NUP58: variants seen among roughly 807,000 people sequenced by gnomAD.
NUP58 encodes nucleoporin 58, also known as nucleoporin p58/p45.
Under a neutral mutation model 70.1 loss-of-function variants are expected in NUP58, and 17 were observed. The ratio of observed to expected loss-of-function variants is 0.24; its 90% confidence interval spans 0.17 to 0.36. The LOEUF (loss-of-function observed/expected upper bound fraction) is 0.36. Among genes scored for constraint, NUP58 ranks in the 10% least tolerant of loss-of-function variants. NUP58 has a pLI of 1.00. For synonymous variants in NUP58, 275 were observed against 257.6 expected, an observed-to-expected ratio of 1.07 and a Z score of -0.65; for missense variants, 644 against 701.5, an observed-to-expected ratio of 0.92 and a Z score of 0.93.
intron 1 of NUP58, among the ~76,000 whole-genome samples, chr13:25,306,623 TAATAAA>T (rs1021414461): frequency 5.3e-5 from 8 of 152,092 alleles, no homozygotes; most frequent in Non-Finnish European, 1.2e-4. Flanking sequence ...GCAAAGGAAA[TAATAAA>T]GATAAATATG....
intron 6 of NUP58, chr13:25,317,707 A>G (rs972307702): frequency 5.3e-5 from 8 of 152,242 alleles, no homozygotes; most frequent in Non-Finnish European, 2.9e-5. Flanking sequence ...TATAGAAGAT[A>G]GGTGGCAATT....
chr13:25,312,913 C>T lies in NUP58; in HGVS notation c.317C>T (p.Thr106Ile), dbSNP rs1399782494. Residue 106 changes from threonine (T) to isoleucine (I), a missense_variant, in exon 4 of 16, where the codon ACA (threonine) becomes ATA (isoleucine). This residue lies in a region of NUP58 where 430 missense variants were observed against 409.2 expected (regional missense o/e 1.05). Coordinates refer to ENST00000381736, the MANE Select transcript of NUP58 (RefSeq NM_014089.4). ...GTPATTSAATTGFSLGFNKPA... is the reference protein window; with the variant it reads ...GTPATTSAATIGFSLGFNKPA... Reference sequence around the variant, plus strand: ...CCAGCCACTACATCTGCAGCTACAACAGGCTTCAGTTTAGGATTCAATAAA... The same window carrying T: ...CCAGCCACTACATCTGCAGCTACAATAGGCTTCAGTTTAGGATTCAATAAA... 1 of 1,613,488 alleles carries T rather than the reference C, an allele frequency of 6.2e-7. No individual in the cohort carries two copies. Among genetic ancestry groups the T allele is most frequent in the South Asian group, 1.1e-5 (1 of 90,970 alleles).
In NUP58 at chr13:25,324,976, T is replaced by C; in HGVS notation, c.952-13T>C. 1.4e-6 allele frequency: 2 copies of C among 1,440,212 alleles called. No homozygotes were observed. Among genetic ancestry groups the C allele is most frequent in the Non-Finnish European group, 9.5e-7 (1 of 1,050,092 alleles). The allele number at this position is 1,440,212 out of a possible 1,614,324, so 89.2% of individuals were successfully genotyped here. A position where few individuals can be genotyped will look rare whatever the true frequency, so the allele number is the denominator to read the frequency against. On this transcript the variant is annotated splice_polypyrimidine_tract_variant and intron_variant, in intron 9 of 15. Coordinates refer to ENST00000381736, the MANE Select transcript of NUP58 (RefSeq NM_014089.4). ...GGCTTTTTTTTTTTTTTTTAAATCC[T>C]CTGGTATATTAGGAGTTGAAGAATG...
intron 1 of NUP58, among the ~76,000 whole-genome samples, chr13:25,304,677 G>C (rs2030227896): frequency 6.6e-6 from 1 of 150,850 alleles, no homozygotes; most frequent in Non-Finnish European, 1.5e-5. Flanking sequence ...ACCACACCCG[G>C]CTAAATTTTT....
At chr13:25,343,236 A>G (rs1238441281), downstream of NUP58, among the ~76,000 whole-genome samples, 2 of 151,650 alleles carry the variant, frequency 1.3e-5, no homozygotes, top group Non-Finnish European at 2.9e-5. Flanking sequence ...TTGTATCCTC[A>G]TAGCTTAGCT....
At chr13:25,323,077 G>C (rs2031252382) in intron 9 of NUP58, among the ~76,000 whole-genome samples, 1 of 152,054 alleles carries the variant, frequency 6.6e-6, no homozygotes, top group South Asian at 2.1e-4. Context: ...TCATATAATG[G>C]GCACATTAAT....
At chr13:25,307,048 A>G (rs950175990) in intron 1 of NUP58, among the ~76,000 whole-genome samples, 22 of 152,112 alleles carry the variant, frequency 1.4e-4, no homozygotes, top group Admixed American at 6.6e-4. Flanking sequence ...TAGCAATGGA[A>G]AGCTAGTGAA....
intron 13 of NUP58, chr13:25,335,441 A>G (rs942527246): frequency 3.0e-6 from 3 of 985,132 alleles, no homozygotes; most frequent in Non-Finnish European, 3.6e-6. Context: ...AGAACTGGAC[A>G]TGTGTTTTTT....
intron 9 of NUP58, among the ~76,000 whole-genome samples, chr13:25,323,298 T>G (rs573240002): frequency 1.3e-5 from 2 of 152,024 alleles, no homozygotes; most frequent in East Asian, 3.9e-4. Flanking sequence ...AGTTGATAGG[T>G]GCAGCAGACC....
intron 1 of NUP58, among the ~76,000 whole-genome samples, chr13:25,303,657 C>A (rs1338772387): frequency 6.6e-6 from 1 of 152,090 alleles, no homozygotes; most frequent in East Asian, 1.9e-4. Context: ...TCCTAGTACT[C>A]TTAGAGTGCT....
At chr13:25,315,865 T>C (rs2030907532) in intron 6 of NUP58, among the ~76,000 whole-genome samples, 1 of 152,128 alleles carries the variant, frequency 6.6e-6, no homozygotes, top group Non-Finnish European at 1.5e-5. Context: ...GAGTGTCTGC[T>C]CTGGAGTGGA....
chr13:25,304,032 G>A (rs528610299), intron 1 of NUP58, among the ~76,000 whole-genome samples: 1 of 152,322 alleles, frequency 6.6e-6, no homozygotes, highest in Admixed American at 6.5e-5. Flanking sequence ...ATGTCTTGAG[G>A]TTGGTCATTT....
chr13:25,331,316 T>C, intron 12 of NUP58, 41 bp from the exon 13 acceptor site: 1 of 1,567,668 alleles, frequency 6.4e-7, no homozygotes, highest in Non-Finnish European at 8.8e-7. Context: ...CCATAGTCAA[T>C]GTGAAACTTC....
chr13:25,343,228 G>A (rs937117690), downstream of NUP58, among the ~76,000 whole-genome samples: 9 of 151,428 alleles, frequency 5.9e-5, 1 homozygote, highest in East Asian at 1.7e-3. Context: ...TAATGCCTTT[G>A]TATCCTCATA....
Position 25,327,001 on chromosome 13 carries a change from A to G in NUP58, c.1117A>G (p.Thr373Ala). Reference sequence around the variant, plus strand: ...TGAAGAACTAGAAAACCATCTTGCCACTCAAGCAAATAATTCACATATAAC... The same window carrying G: ...TGAAGAACTAGAAAACCATCTTGCCGCTCAAGCAAATAATTCACATATAAC... ...QIEELENHLA[T>A]QANNSHITPQ... The change falls in exon 11 of 16, where the codon ACT (threonine) becomes GCT (alanine). Residue 373 changes from threonine (T) to alanine (A), a missense_variant. Transcript: ENST00000381736. The G allele has an allele frequency of 6.2e-7, 1 of 1,603,822 alleles. No individual in the cohort carries two copies. The highest frequency in any genetic ancestry group is 8.5e-7 in the Non-Finnish European group (1 of 1,174,022).
intron 3 of NUP58, chr13:25,309,962 A>G (rs1449996188): frequency 8.2e-6 from 3 of 367,520 alleles, no homozygotes; most frequent in Non-Finnish European, 1.7e-5. Flanking sequence ...ATTAACAGAA[A>G]ACAACACATC....
intron 1 of NUP58, among the ~76,000 whole-genome samples, chr13:25,304,824 C>G (rs1259812941): frequency 6.6e-6 from 1 of 151,936 alleles, no homozygotes; most frequent in Admixed American, 6.6e-5. Flanking sequence ...GCCACCACAC[C>G]CAGCCGGCAG....
chr13:25,327,865 G>A (rs1383202569), intron 12 of NUP58, among the ~76,000 whole-genome samples: 1 of 151,982 alleles, frequency 6.6e-6, no homozygotes, highest in Non-Finnish European at 1.5e-5. Context: ...GGATATTTAG[G>A]TGGTTTCTAT....
intron 1 of NUP58, 85 bp downstream of exon 1, chr13:25,301,965 C>A: frequency 1.2e-6 from 1 of 869,100 alleles, no homozygotes; most frequent in South Asian, 1.6e-5. Flanking sequence ...CATCCTGTCT[C>A]TTCCCTCTGG....
Sources: gnomAD v4.1 joint callset for allele counts (sites outside exome capture counted in the v4.1 genomes callset) on GRCh38, gnomAD v4.1.1 for gene constraint, gnomAD v4.1.1 regional missense constraint, MANE v1.5 for transcripts, NCBI Gene and HGNC (gene_info 2026-07-23, HGNC 2026-07-21) for gene names.